Variants in CELF2 observed in about 807,000 individuals in gnomAD.
The protein encoded by CELF2 is CUG triplet repeat RNA-binding protein 2.
A neutral mutation model predicts 62.6 loss-of-function variants in CELF2; 8 were observed. The ratio of observed to expected loss-of-function variants is 0.13; its 90% CI spans 0.07 to 0.23. The LOEUF (loss-of-function observed/expected upper bound fraction) is 0.23, where lower values mean the gene tolerates loss of function less well. Ranked by LOEUF, CELF2 falls within the 10% of genes least tolerant of loss-of-function variation. The pLI, the probability that CELF2 is intolerant of heterozygous loss-of-function variation, is 1.00. For synonymous variants in CELF2, 258 were observed against 250.0 expected (o/e 1.03, Z -0.30); for missense variants, 333 against 671.0 (o/e 0.50, Z 5.56).
At chr10:11,263,466 G>A (rs777473568) in intron 5 of CELF2, among the ~76,000 whole-genome samples, 2 of 151,968 alleles carry the variant, frequency 1.3e-5, no homozygotes, top group African/African-American at 2.4e-5. Context: ...TTGTTTCTCC[G>A]GCATTTGGGT....
At chr10:10,728,282 TAA>T in the CELF2 span, among the ~76,000 whole-genome samples, 8 of 140,160 alleles carry the variant, frequency 5.7e-5, no homozygotes, top group Non-Finnish European at 4.7e-5. Flanking sequence ...CTACTAAAAT[TAA>T]AAAAAAAAAA....
rs148073201 is a variant in CELF2, at chr10:11,135,591, G to A, written c.75-29895G>A. 7.0e-4 allele frequency among the ~76,000 whole-genome samples: 107 copies of A among 152,314 alleles called. 1 individual carries two copies. The highest frequency in any genetic ancestry group is 2.5e-3 in the African/African-American group (103 of 41,574). On this transcript the variant is annotated intron_variant, in intron 1 of 12. Transcript: ENST00000633077. ...TCTGTGAAATACTGTCTTCTAAATA[G>A]CCACCGTCATTTGTGCCTCCTGCTC...
rs1018870501 is a variant in CELF2, at chr10:11,011,660, T to C, written c.53+6220T>C. On this transcript the variant is annotated intron_variant, in intron 1 of 12. Coordinates refer to the CELF2 transcript ENST00000416382. The surrounding 1 kb of genome is among the most constrained non-coding windows in gnomAD (Gnocchi z 4.6). ...CATGACACTTTGTACTCAGCGATAG[T>C]GGTAGGACAAGATAGAACATACTCC... is the stretch of plus-strand genomic sequence containing the variant. Among the ~76,000 whole-genome samples, 2 of 130,674 alleles carry C rather than the reference T, an allele frequency of 1.5e-5. No homozygotes were observed. The highest frequency in any genetic ancestry group is 3.0e-5 in the Non-Finnish European group (2 of 66,888). The allele number at this position is 130,674 out of a possible 152,430, so 85.7% of individuals were successfully genotyped here. A position where few individuals can be genotyped will look rare whatever the true frequency, so the allele number is the denominator to read the frequency against.
chr10:10,838,570 T>A (rs2058462042), intron 1 of CELF2, among the ~76,000 whole-genome samples: 1 of 152,344 alleles, frequency 6.6e-6, no homozygotes, highest in East Asian at 1.9e-4. Context: ...TTTATTTATA[T>A]CAGATGAACT....
In CELF2 at chr10:11,191,430, G is replaced by A. The variant is rs938253091; in HGVS notation, c.271+25748G>A. Among the ~76,000 whole-genome samples the A allele has an allele frequency of 6.6e-5, 10 of 152,222 alleles. No individual in the cohort carries two copies. The highest frequency in any genetic ancestry group is 1.3e-4 in the Non-Finnish European group (9 of 68,042). On this transcript the variant is annotated intron_variant, in intron 2 of 12. Transcript: ENST00000633077. The surrounding 1 kb of genome is among the most constrained non-coding windows in gnomAD (Gnocchi z 4.1). ...GGTACCCCAGGCAATGAAACGGAGA[G>A]GTGTCTCCTGGTGTTGCAGTGGGGA...
At chr10:10,650,519 TAA>T in the CELF2 span, among the ~76,000 whole-genome samples, 1 of 142,158 alleles carries the variant, frequency 7.0e-6, no homozygotes, top group South Asian at 2.8e-4. Context: ...TCTTGAATTA[TAA>T]GAGCAAAAAA....
chr10:10,484,866 T>C, the CELF2 span, among the ~76,000 whole-genome samples: 1 of 152,200 alleles, frequency 6.6e-6, no homozygotes, highest in Non-Finnish European at 1.5e-5. Flanking sequence ...TGGACTTTAT[T>C]TTAAAATCCT....
In CELF2 at chr10:11,247,120, G is replaced by A. The variant is rs1158331154; in HGVS notation, c.355-2033G>A. ...ACTGTCCTCCCTGCCTGTGTCTCTC[G>A]TCTGTAATCCACCCTCCACACGGCA... On this transcript the variant is annotated intron_variant, in intron 3 of 12. Transcript: ENST00000633077. This position sits in a 1 kb window ranked among gnomAD's most constrained non-coding sequence, Gnocchi z 5.4. Among the ~76,000 whole-genome samples the A allele has an allele frequency of 6.6e-6, 1 of 152,180 alleles. No individual in the cohort carries two copies. The highest frequency in any genetic ancestry group is 1.5e-5 in the Non-Finnish European group (1 of 68,030).
In CELF2 at chr10:10,938,217, A is replaced by G. The variant is rs2046637492; in HGVS notation, c.89+18218A>G. ...GCATGTGATGTTGATGAAAAATAGC[A>G]TTCAAGTAAAGTTTACCAAGAACAA... On this transcript the variant is annotated intron_variant, in intron 2 of 13. Coordinates refer to the CELF2 transcript ENST00000636488. This position sits in a 1 kb window ranked among gnomAD's most constrained non-coding sequence, Gnocchi z 4.2. 6.6e-6 allele frequency among the ~76,000 whole-genome samples: 1 copy of G among 152,228 alleles called. No homozygotes were observed. Among genetic ancestry groups the G allele is most frequent in the South Asian group, 2.1e-4 (1 of 4,832 alleles).
intron 1 of CELF2, among the ~76,000 whole-genome samples, chr10:10,830,847 A>C (rs1483654612): frequency 2.6e-5 from 4 of 152,252 alleles, no homozygotes; most frequent in African/African-American, 9.6e-5. Context: ...AATATATTAC[A>C]AAACTGTGTT....
In CELF2 at chr10:10,897,613, G is replaced by A. The variant is rs140608582; in HGVS notation, c.54-22351G>A. Reference sequence around the variant, plus strand: ...GAAGAGATGAGGCCTGTGACTCATGGACCCAAGCAACCATCTCAGCAGAGG... The same window carrying A: ...GAAGAGATGAGGCCTGTGACTCATGAACCCAAGCAACCATCTCAGCAGAGG... On this transcript the variant is annotated intron_variant, in intron 1 of 13. Transcript: ENST00000636488. 3.6e-3 allele frequency among the ~76,000 whole-genome samples: 550 copies of A among 152,252 alleles called. 4 individuals are homozygous for A. The highest frequency in any genetic ancestry group is 4.5e-3 in the Non-Finnish European group (307 of 68,020).
chr10:10,874,469 A>C (rs1361932173), intron 1 of CELF2, among the ~76,000 whole-genome samples: 1 of 151,904 alleles, frequency 6.6e-6, no homozygotes, highest in East Asian at 1.9e-4. Context: ...TGATTATACT[A>C]TACAGGGATG....
chr10:10,990,282 G>A lies in CELF2; in HGVS notation c.89+70283G>A, dbSNP rs914299995. Among the ~76,000 whole-genome samples, 25 of 151,914 alleles carry A rather than the reference G, an allele frequency of 1.6e-4. No individual in the cohort carries two copies. The South Asian group carries it at 2.3e-3, about 14-fold the overall frequency. On this transcript the variant is annotated intron_variant, in intron 2 of 13. Transcript: ENST00000636488. This position sits in a 1 kb window ranked among gnomAD's most constrained non-coding sequence, Gnocchi z 4.6. ...AAAAATATATCATGTTGTATAAAAA[G>A]GATTAAAAATTCTGATCAATACAAC... is the stretch of plus-strand genomic sequence containing the variant.
chr10:11,284,279 GC>G (rs778046973), intron 8 of CELF2, among the ~76,000 whole-genome samples: 15 of 470 alleles, frequency 0.032, 4 homozygotes, highest in Non-Finnish European at 0.061. Context: ...GTAGGTGGAT[GC>G]ATGGATGAGT....
chr10:11,314,488 G>A lies in CELF2; in HGVS notation c.1096+230G>A, dbSNP rs748936394. On this transcript the variant is annotated intron_variant, in intron 10 of 12. Transcript: ENST00000633077. The surrounding 1 kb of genome is among the most constrained non-coding windows in gnomAD (Gnocchi z 5.3). Reference sequence around the variant, plus strand: ...GATTCTCTTCAGTGTGTAGCACAGCGCGTGTGCTCATCCATGGGGTTCTGT... The same window carrying A: ...GATTCTCTTCAGTGTGTAGCACAGCACGTGTGCTCATCCATGGGGTTCTGT... The A allele has an allele frequency of 5.6e-5, 33 of 592,660 alleles. No individual in the cohort carries two copies. Among genetic ancestry groups the A allele is most frequent in the Non-Finnish European group, 7.7e-5 (25 of 324,070 alleles). The allele number at this position is 592,660 out of a possible 1,614,324, so 36.7% of individuals were successfully genotyped here.
At chr10:11,251,270 ATTTTTTTTTT>A (rs66615560) in intron 4 of CELF2, among the ~76,000 whole-genome samples, 2 of 63,310 alleles carry the variant, frequency 3.2e-5, no homozygotes, top group African/African-American at 1.3e-4. Context: ...ACACAAAGGG[ATTTTTTTTTT>A]TTTTTTTTTT....
chr10:11,221,298 C>G (rs1384416851), intron 3 of CELF2, among the ~76,000 whole-genome samples: 1 of 152,194 alleles, frequency 6.6e-6, no homozygotes, highest in Non-Finnish European at 1.5e-5. Flanking sequence ...GTAGTTTGTT[C>G]AGTAGAAATG....
At position 11,098,712 on chromosome 10, in the gene CELF2, G is replaced by C. The variant is rs974406125; in HGVS notation, c.75-66774G>C. Among the ~76,000 whole-genome samples the C allele has an allele frequency of 3.3e-5, 5 of 152,186 alleles. No individual in the cohort carries two copies. The highest frequency in any genetic ancestry group is 7.4e-5 in the Non-Finnish European group (5 of 68,026). On this transcript the variant is annotated intron_variant, in intron 1 of 12. Transcript: ENST00000633077. This position sits in a 1 kb window ranked among gnomAD's most constrained non-coding sequence, Gnocchi z 4.0. ...AATAACAAAGGCCCTGGATACAGTAGAATGTCTGGCCTTACTTTTCTGTAA... is the reference window on the plus strand; with the variant it reads ...AATAACAAAGGCCCTGGATACAGTACAATGTCTGGCCTTACTTTTCTGTAA...
intron 1 of CELF2, among the ~76,000 whole-genome samples, chr10:11,127,067 C>T (rs756073846): frequency 6.6e-6 from 1 of 152,080 alleles, no homozygotes; most frequent in Non-Finnish European, 1.5e-5. Flanking sequence ...TCATGACACG[C>T]CCCACTATGT....
Sources: gnomAD v4.1 joint callset for allele counts (sites outside exome capture counted in the v4.1 genomes callset) on GRCh38, gnomAD v4.1.1 for gene constraint, Gnocchi (gnomAD v3.1) non-coding constraint, MANE v1.5 for transcripts, NCBI Gene and HGNC (gene_info 2026-07-23, HGNC 2026-07-21) for gene names.